Variants in MAML1 observed in about 807,000 individuals in gnomAD.
The protein encoded by MAML1 is mastermind like transcriptional coactivator 1, also known as mastermind-like protein 1.
Under a neutral mutation model 77.1 loss-of-function variants are expected in MAML1, and 14 were observed. That is an observed-to-expected ratio of 0.18 (90% CI 0.12 to 0.28). The LOEUF is 0.28. Ranked by LOEUF, MAML1 falls within the 10% of genes least tolerant of loss-of-function variation. MAML1 has a pLI of 1.00. For missense variants in MAML1, 1,217 were observed against 1,327.8 expected (o/e 0.92, Z 1.30); for synonymous variants, 516 against 551.9 (o/e 0.93, Z 0.91).
At chr5:179,751,993 G>A (rs1478193995) in intron 1 of MAML1, among the ~76,000 whole-genome samples, 2 of 150,558 alleles carry the variant, frequency 1.3e-5, no homozygotes, top group Admixed American at 1.3e-4. Flanking sequence ...AATAGAGTGA[G>A]ACCTTGTCTC....
chr5:179,733,816 T>C (rs1425809491), intron 1 of MAML1, among the ~76,000 whole-genome samples: 1 of 152,252 alleles, frequency 6.6e-6, no homozygotes, highest in East Asian at 1.9e-4. Flanking sequence ...CAAATGTTTA[T>C]TGGGTCCTTG....
chr5:179,760,818 G>A (rs191079935), intron 1 of MAML1, among the ~76,000 whole-genome samples: 29 of 152,328 alleles, frequency 1.9e-4, no homozygotes, highest in African/African-American at 5.1e-4. Context: ...CAGGCCGGGC[G>A]CAGTGGCTCA....
At chr5:179,745,715 C>T (rs921557781) in intron 1 of MAML1, among the ~76,000 whole-genome samples, 9 of 151,766 alleles carry the variant, frequency 5.9e-5, no homozygotes, top group African/African-American at 2.2e-4. Flanking sequence ...AAAAAATTAG[C>T]CAGGCGTGGT....
At chr5:179,738,935 C>T (rs1029145916) in intron 1 of MAML1, among the ~76,000 whole-genome samples, 3 of 148,438 alleles carry the variant, frequency 2.0e-5, no homozygotes, top group Admixed American at 1.3e-4. Flanking sequence ...CGTGAGCCAC[C>T]ACACCCAGCC....
Position 179,765,520 on chromosome 5 carries a change from C to T in MAML1, c.510C>T (p.Ala170=), listed in dbSNP as rs137983624. ...GTCAGTCTGACAAGCCTTCTGGAGC[C>T]GACGCCCTGCAGTCCAGTGGGAAGC... is the stretch of plus-strand genomic sequence containing the variant. ...PLGQSDKPSG[A]DALQSSGKHS... Residue 170 remains alanine (A), a synonymous_variant, in exon 2 of 5, where the codon GCC becomes GCT. Transcript: ENST00000292599. 2.2e-5 allele frequency: 36 copies of T among 1,613,852 alleles called. No individual in the cohort carries two copies. In the African/African-American group the frequency reaches 2.8e-4, roughly 13 times the overall value.
intron 1 of MAML1, among the ~76,000 whole-genome samples, chr5:179,754,125 A>G (rs1358947762): frequency 6.6e-6 from 1 of 152,128 alleles, no homozygotes; most frequent in Non-Finnish European, 1.5e-5. Context: ...CTCTAAAAAA[A>G]TGCAAAAATT....
rs1340813501 is a variant in MAML1 at position 179,733,230 on chromosome 5, C to T, written c.118C>T (p.Arg40Cys). Residue 40 changes from arginine (R) to cysteine (C), a missense_variant, in exon 1 of 5, where the codon CGC becomes TGC. Arg to Cys is a radical substitution (Grantham distance 180, BLOSUM62 -3). Around this residue, in one of 3 missense-constraint regions of MAML1, gnomAD observed 312 missense variants for 331.4 expected, o/e 0.94. Coordinates refer to ENST00000292599, the MANE Select transcript of MAML1 (RefSeq NM_014757.5). ...GCGCCACCACAGCACCTGCGAGGCC[C>T]GCTACGAGGCCGTGTCGCCCGAGCG... ...CRRHHSTCEA[R>C]YEAVSPERLE... 3 of 1,476,758 alleles carry T rather than the reference C, an allele frequency of 2.0e-6. No individual in the cohort carries two copies. The highest frequency in any genetic ancestry group is 2.2e-5 in the Admixed American group (1 of 45,244). The allele number at this position is 1,476,758 out of a possible 1,614,324, so 91.5% of individuals were successfully genotyped here. A position where few individuals can be genotyped will look rare whatever the true frequency, so the allele number is the denominator to read the frequency against.
chr5:179,749,766 G>A (rs1055276084), intron 1 of MAML1, among the ~76,000 whole-genome samples: 1 of 152,070 alleles, frequency 6.6e-6, no homozygotes, highest in Non-Finnish European at 1.5e-5. Flanking sequence ...AGACGTGGAG[G>A]GCAACTGAGC....
intron 1 of MAML1, among the ~76,000 whole-genome samples, chr5:179,760,096 A>G (rs1779698773): frequency 6.8e-6 from 1 of 147,738 alleles, no homozygotes; most frequent in South Asian, 2.1e-4. Context: ...CATCTGAGTC[A>G]TCACTCAAGT....
At chr5:179,772,204 C>T (rs1471515126) in intron 4 of MAML1, among the ~76,000 whole-genome samples, 1 of 152,184 alleles carries the variant, frequency 6.6e-6, no homozygotes, top group Non-Finnish European at 1.5e-5. Context: ...CTACAACCTC[C>T]ACCTCCTAGG....
rs1779831349 is a variant in MAML1, at chr5:179,766,966, G to A, written c.1731+225G>A. Among the ~76,000 whole-genome samples the A allele has an allele frequency of 6.6e-6, 1 of 152,216 alleles. No individual in the cohort carries two copies. The highest frequency in any genetic ancestry group is 1.5e-5 in the Non-Finnish European group (1 of 68,038). On this transcript the variant is annotated intron_variant, in intron 2 of 4. Transcript: ENST00000292599. This position sits in a 1 kb window ranked among gnomAD's most constrained non-coding sequence, Gnocchi z 4.0. Reference sequence around the variant, plus strand: ...CCCTGGCATAGCTTGATTATTAACTGCACGAAGGTTTCAGGAATCACCTGC... The same window carrying A: ...CCCTGGCATAGCTTGATTATTAACTACACGAAGGTTTCAGGAATCACCTGC...
At chr5:179,759,845 AATAATTCAAGTGAGAGATATGTGTGTT>A (rs1779692993) in intron 1 of MAML1, among the ~76,000 whole-genome samples, 1 of 152,256 alleles carries the variant, frequency 6.6e-6, no homozygotes, top group Non-Finnish European at 1.5e-5. Flanking sequence ...ACATGGTTAA[AATAATTCAAGTGAGAGATATGTGTGTT>A]AATGAATGGA....
chr5:179,741,876 TG>T (rs919341166), intron 1 of MAML1, among the ~76,000 whole-genome samples: 41 of 151,944 alleles, frequency 2.7e-4, no homozygotes, highest in South Asian at 1.5e-3. Flanking sequence ...GCTAAACAAA[TG>T]TATTTTATTT....
chr5:179,749,293 A>T (rs1275940228), intron 1 of MAML1, among the ~76,000 whole-genome samples: 1 of 152,146 alleles, frequency 6.6e-6, no homozygotes, highest in Non-Finnish European at 1.5e-5. Flanking sequence ...CGCCTGGATA[A>T]TGTTGTGTTT....
At chr5:179,746,098 C>T (rs896282871) in intron 1 of MAML1, among the ~76,000 whole-genome samples, 4 of 151,138 alleles carry the variant, frequency 2.6e-5, no homozygotes, top group African/African-American at 7.3e-5. Context: ...AATCCCAGCA[C>T]TCTGGGAGGC....
Position 179,736,115 on chromosome 5 carries a change from C to T in MAML1, c.315+2688C>T, listed in dbSNP as rs146759783. 2.1e-4 allele frequency among the ~76,000 whole-genome samples: 32 copies of T among 152,302 alleles called. No homozygotes were observed. In the East Asian group the frequency reaches 5.8e-3, roughly 28 times the overall value. On this transcript the variant is annotated intron_variant, in intron 1 of 4. Transcript: ENST00000292599. ...CACATCTGAGGTGCATCTTAAGTGCCTGTTTGTTGAATTATTGATAGAAAC... is the reference window on the plus strand; with the variant it reads ...CACATCTGAGGTGCATCTTAAGTGCTTGTTTGTTGAATTATTGATAGAAAC...
At chr5:179,772,805 C>G (rs1160230046) in intron 4 of MAML1, among the ~76,000 whole-genome samples, 1 of 152,216 alleles carries the variant, frequency 6.6e-6, no homozygotes, top group Admixed American at 6.5e-5. Flanking sequence ...GGTCTGCCCT[C>G]CCTCATCTCC....
chr5:179,777,007 T>G lies in MAML1; in HGVS notation c.*2130T>G. 1 of 985,124 alleles carries G rather than the reference T, an allele frequency of 1.0e-6. No individual in the cohort carries two copies. The highest frequency in any genetic ancestry group is 1.2e-6 in the Non-Finnish European group (1 of 829,218). 61.0% of individuals were successfully genotyped at this position (985,124 alleles called of 1,614,324 possible). On this transcript the variant is annotated 3_prime_UTR_variant, in exon 5 of 5. Transcript: ENST00000292599. ...GTAAATAAATGTTTACAATTTTATA[T>G]GAAAGATGGAATAAGCGCTAGAGCT...
At chr5:179,764,999 G>A (rs1444504441) in intron 1 of MAML1, among the ~76,000 whole-genome samples, 5 of 144,116 alleles carry the variant, frequency 3.5e-5, no homozygotes, top group East Asian at 2.0e-4. Context: ...ATATATATGT[G>A]TGTGTGTGTG....
Sources: gnomAD v4.1 joint callset for allele counts (sites outside exome capture counted in the v4.1 genomes callset) on GRCh38, gnomAD v4.1.1 for gene constraint, gnomAD v4.1.1 regional missense constraint, Gnocchi (gnomAD v3.1) non-coding constraint, MANE v1.5 for transcripts, NCBI Gene and HGNC (gene_info 2026-07-23, HGNC 2026-07-21) for gene names.